NCOA3: variants seen among roughly 807,000 people sequenced by gnomAD.
NCOA3 encodes the protein nuclear receptor coactivator 3.
In NCOA3, 51 loss-of-function variants were observed where a neutral mutation model predicts 158.8. The ratio of observed to expected loss-of-function variants is 0.32; its 90% CI spans 0.26 to 0.41. NCOA3 has a LOEUF of 0.41. Among genes scored for constraint, NCOA3 ranks in the 10% least tolerant of loss-of-function variants. The pLI is 1.00. For missense variants in NCOA3, 1,510 were observed against 1,746.6 expected (o/e 0.86, Z 2.41); for synonymous variants, 537 against 592.4 (o/e 0.91, Z 1.36).
chr20:47,560,575 T>G (rs924549418), intron 1 of NCOA3, among the ~76,000 whole-genome samples: 1 of 152,342 alleles, frequency 6.6e-6, no homozygotes, highest in Middle Eastern at 3.4e-3. Context: ...GTCAGTTTTT[T>G]TAGATTTTAG....
At chr20:47,593,083 G>C (rs973467441) in intron 2 of NCOA3, among the ~76,000 whole-genome samples, 1 of 151,978 alleles carries the variant, frequency 6.6e-6, no homozygotes, top group Non-Finnish European at 1.5e-5. Flanking sequence ...ACAGGCATCC[G>C]CCACCACACC....
chr20:47,508,496 T>C (rs1281146907), intron 1 of NCOA3, among the ~76,000 whole-genome samples: 1 of 152,214 alleles, frequency 6.6e-6, no homozygotes, highest in South Asian at 2.1e-4. Flanking sequence ...TTGAGAACTT[T>C]AGTACAAAAG....
intron 12 of NCOA3, 53 bp downstream of exon 12, chr20:47,636,815 G>T: frequency 2.8e-6 from 4 of 1,448,718 alleles, no homozygotes; most frequent in Non-Finnish European, 3.7e-6. Context: ...TTCGGTGTTA[G>T]ATAATGTGAT....
chr20:47,603,745 G>A (rs916696723), intron 2 of NCOA3, among the ~76,000 whole-genome samples: 5 of 152,170 alleles, frequency 3.3e-5, no homozygotes, highest in African/African-American at 4.8e-5. Flanking sequence ...GTCCTCAGCC[G>A]AACTCCTCTT....
chr20:47,639,668 G>T lies in NCOA3; in HGVS notation c.2799G>T (p.Met933Ile), dbSNP rs2086572259. 6.2e-7 allele frequency: 1 copy of T among 1,614,078 alleles called. No individual in the cohort carries two copies. Among genetic ancestry groups the T allele is most frequent in the African/African-American group, 1.3e-5 (1 of 75,030 alleles). The change falls in exon 15 of 23, where the codon ATG (methionine) becomes ATT (isoleucine). Residue 933 changes from methionine to isoleucine, a missense_variant. Met to Ile is a conservative substitution (Grantham distance 10). This residue lies in a region of NCOA3 where 1,017 missense variants were observed against 1,098.3 expected (regional missense o/e 0.93). Transcript: ENST00000371998. Reference sequence around the variant, plus strand: ...CAAAGGCCGGCAGAATGGAACCTATGAATTCAAACTCCATGGGAAGACCAG... The same window carrying T: ...CAAAGGCCGGCAGAATGGAACCTATTAATTCAAACTCCATGGGAAGACCAG... ...PNSKAGRMEP[M>I]NSNSMGRPGG...
At chr20:47,624,527 CTGT>C (rs1393475976) in intron 4 of NCOA3, among the ~76,000 whole-genome samples, 101 of 152,268 alleles carry the variant, frequency 6.6e-4, no homozygotes, top group Non-Finnish European at 1.9e-4. Context: ...TGGGGAGGGG[CTGT>C]TGTTAATACA....
intron 1 of NCOA3, among the ~76,000 whole-genome samples, chr20:47,571,324 T>C (rs546000936): frequency 2.8e-4 from 42 of 150,620 alleles, no homozygotes; most frequent in Admixed American, 1.6e-3. Flanking sequence ...TTCTTTCTTT[T>C]TTTTTTTTTT....
rs527851499 is a variant in NCOA3 at position 47,522,287 on chromosome 20, A to G, written c.-99+20268A>G. Among the ~76,000 whole-genome samples the G allele has an allele frequency of 8.3e-4, 125 of 151,512 alleles. 1 individual carries two copies. The South Asian group carries it at 9.6e-3, about 12-fold the overall frequency. ...CCGGCTAATTTTTTGTATTTTTAGT[A>G]GAGACGGGGTTTCACCATGTTAGCC... On this transcript the variant is annotated intron_variant, in intron 1 of 22. Transcript: ENST00000371998.
At chr20:47,622,153 T>G (rs2086251433) in intron 2 of NCOA3, 76 bp from the exon 3 acceptor site, 1 of 700,162 alleles carries the variant, frequency 1.4e-6, no homozygotes, top group Admixed American at 3.0e-5. Context: ...TTGCAGTCAT[T>G]CAGTCATATA....
intron 1 of NCOA3, among the ~76,000 whole-genome samples, chr20:47,544,316 C>CTTTTTTTTTT (rs397866275): frequency 1.8e-4 from 18 of 99,694 alleles, no homozygotes; most frequent in African/African-American, 7.0e-4. Context: ...TTTAATACTA[C>CTTTTTTTTTT]TTTTTTTTTT....
intron 1 of NCOA3, among the ~76,000 whole-genome samples, chr20:47,507,429 T>G (rs1267737347): frequency 1.3e-5 from 2 of 152,228 alleles, no homozygotes; most frequent in African/African-American, 4.8e-5. Context: ...TGAGTAGCTC[T>G]TGGTTTATGT....
chr20:47,615,952 G>GT (rs2086124661), intron 2 of NCOA3, among the ~76,000 whole-genome samples: 1 of 152,000 alleles, frequency 6.6e-6, no homozygotes, highest in Admixed American at 6.5e-5. Flanking sequence ...GAGGTCAGGT[G>GT]TTTGAGACCA....
intron 1 of NCOA3, among the ~76,000 whole-genome samples, chr20:47,560,631 G>C (rs1235123856): frequency 6.6e-6 from 1 of 152,056 alleles, no homozygotes; most frequent in Non-Finnish European, 1.5e-5. Context: ...TTAATTAGCA[G>C]TCCTGTAATA....
intron 2 of NCOA3, among the ~76,000 whole-genome samples, chr20:47,616,128 A>ACCCGCCC (rs1318816979): frequency 4.2e-5 from 4 of 94,708 alleles, no homozygotes; most frequent in East Asian, 3.1e-4. Flanking sequence ...ACTGCACTCC[A>ACCCGCCC]CCCGCCCCCC....
chr20:47,516,978 T>A (rs778478095), intron 1 of NCOA3, among the ~76,000 whole-genome samples: 2 of 151,618 alleles, frequency 1.3e-5, no homozygotes, highest in Non-Finnish European at 2.9e-5. Flanking sequence ...ATCCCAGCAC[T>A]TTGAGAGGCC....
chr20:47,656,753 A>C lies in NCOA3; in HGVS notation c.*3336A>C, dbSNP rs941125973. 7 of 152,580 alleles carry C rather than the reference A, an allele frequency of 4.6e-5. No homozygotes were observed. The highest frequency in any genetic ancestry group is 1.7e-4 in the African/African-American group (7 of 41,434). The allele number at this position is 152,580 out of a possible 1,614,324, so 9.5% of individuals were successfully genotyped here. A position where few individuals can be genotyped will look rare whatever the true frequency, so the allele number is the denominator to read the frequency against. On this transcript the variant is annotated 3_prime_UTR_variant, in exon 23 of 23. Transcript: ENST00000371998. ...ACATTATGTTGCTTAAAAAAATAGA[A>C]ATTATTCTTTATCTTGCAAAGAATT...
Position 47,627,062 on chromosome 20 carries a change from A to G in NCOA3, c.418A>G (p.Asn140Asp). The G allele has an allele frequency of 1.2e-6, 2 of 1,613,450 alleles. No homozygotes were observed. Among genetic ancestry groups the G allele is most frequent in the Non-Finnish European group, 1.7e-6 (2 of 1,179,476 alleles). The change falls in exon 6 of 23, where the codon AAT becomes GAT. Residue 140 changes from asparagine to aspartate, a missense_variant. Asn to Asp is a conservative substitution (Grantham distance 23). Around this residue, in one of 4 missense-constraint regions of NCOA3, gnomAD observed 309 missense variants for 427.1 expected, o/e 0.72. Transcript: ENST00000371998. ...RDGNIVFVSE[N>D]VTQYLQYKQE... ...CGGAAACATTGTATTTGTATCAGAA[A>G]ATGTCACACAATACCTGCAATATAA...
intron 1 of NCOA3, among the ~76,000 whole-genome samples, 188 bp downstream of exon 1, chr20:47,502,207 G>GC (rs1250581911): frequency 6.6e-6 from 1 of 151,828 alleles, no homozygotes; most frequent in Non-Finnish European, 1.5e-5. Context: ...CTTCCCCTCA[G>GC]CCCGGGGGGC....
intron 1 of NCOA3, among the ~76,000 whole-genome samples, chr20:47,527,971 C>G (rs1167126357): frequency 6.6e-6 from 1 of 151,972 alleles, no homozygotes; most frequent in Non-Finnish European, 1.5e-5. Context: ...TTACTGAATT[C>G]TTAGAAAAAA....
Sources: allele counts gnomAD v4.1 joint callset (sites outside exome capture counted in the v4.1 genomes callset), GRCh38; gene constraint gnomAD v4.1.1; regional missense constraint gnomAD v4.1.1; transcripts MANE v1.5; gene names NCBI Gene and HGNC (gene_info 2026-07-23, HGNC 2026-07-21).